Variants in CACNA1C observed in about 807,000 individuals in gnomAD.
CACNA1C encodes the protein voltage-dependent L-type calcium channel subunit alpha-1C.
A neutral mutation model predicts 229.0 loss-of-function variants in CACNA1C; 30 were observed. The observed-to-expected ratio is 0.13, with a 90% confidence interval of 0.10 to 0.18. The LOEUF (loss-of-function observed/expected upper bound fraction) is 0.18, where lower values mean the gene tolerates loss of function less well. CACNA1C is among the 10% of genes least tolerant of loss of function. CACNA1C has a pLI of 1.00. For missense variants in CACNA1C, 1,658 were observed against 2,845.0 expected (o/e 0.58, Z 9.49); for synonymous variants, 1,114 against 1,132.5 (o/e 0.98, Z 0.33).
At position 2,029,626 on chromosome 12, in the gene CACNA1C, C is replaced by T. The variant is rs1210814466; in HGVS notation, c.139+58425C>T. The stretch of plus-strand genomic sequence containing the variant: ...ATTTCATTCCTTTTTATGGCTTTTA[C>T]GTTGCACTTTGGTTAAAGAATTTTG... On this transcript the variant is annotated intron_variant, in intron 1 of 46. Coordinates refer to the CACNA1C transcript ENST00000682462. The surrounding 1 kb of genome is among the most constrained non-coding windows in gnomAD (Gnocchi z 4.9). Among the ~76,000 whole-genome samples, 4 of 152,122 alleles carry T rather than the reference C, an allele frequency of 2.6e-5. No individual in the cohort carries two copies. Among genetic ancestry groups the T allele is most frequent in the Admixed American group, 6.6e-5 (1 of 15,266 alleles).
At chr12:2,246,692 C>T (rs1420039740) in intron 3 of CACNA1C, among the ~76,000 whole-genome samples, 1 of 152,162 alleles carries the variant, frequency 6.6e-6, no homozygotes, top group African/African-American at 2.4e-5. Context: ...TGTGTGTGCT[C>T]TTAACTGCTA....
chr12:2,403,344 G>A lies in CACNA1C; in HGVS notation c.478-45632G>A, dbSNP rs2098700586. ...CATTGGACGAGTGACTTCCCCTCTT[G>A]TGTCAAGGTGCGCTGCAGAGGGATG... On this transcript the variant is annotated intron_variant, in intron 3 of 46. Transcript: ENST00000399655. This position sits in a 1 kb window ranked among gnomAD's most constrained non-coding sequence, Gnocchi z 4.1. Among the ~76,000 whole-genome samples, 2 of 152,102 alleles carry A rather than the reference G, an allele frequency of 1.3e-5. No individual in the cohort carries two copies. The highest frequency in any genetic ancestry group is 6.5e-5 in the Admixed American group (1 of 15,288).
chr12:1,990,303 A>T (rs2039027912), intron 1 of CACNA1C, among the ~76,000 whole-genome samples: 1 of 152,242 alleles, frequency 6.6e-6, no homozygotes, highest in Admixed American at 6.5e-5. Flanking sequence ...TGTTTGCCCT[A>T]ACTTTAACAG....
intron 3 of CACNA1C, among the ~76,000 whole-genome samples, chr12:2,232,751 T>C (rs1002845013): frequency 6.6e-6 from 1 of 152,226 alleles, no homozygotes; most frequent in African/African-American, 2.4e-5. Flanking sequence ...GGAAAAACTG[T>C]CCCTTCTTCC....
chr12:2,093,182 A>G (rs116105668), intron 1 of CACNA1C, among the ~76,000 whole-genome samples: 1,984 of 152,324 alleles, frequency 0.013, 59 homozygotes, highest in African/African-American at 0.044. Context: ...CAAAGTTACC[A>G]GAGAGTGTAC....
intron 7 of CACNA1C, among the ~76,000 whole-genome samples, chr12:2,501,247 T>TC (rs2099759571): frequency 8.7e-6 from 1 of 114,876 alleles, no homozygotes; most frequent in African/African-American, 3.8e-5. Flanking sequence ...AAAGCAATAC[T>TC]CATTTAGAGG....
Position 2,570,635 on chromosome 12 carries a change from G to A in CACNA1C, c.1895+2841G>A, listed in dbSNP as rs375627749. ...GAGATGGAAAAAATCGAAAAATAAG[G>A]CGTATGGCGTGAACTAAATCCAGGA... On this transcript the variant is annotated intron_variant, in intron 13 of 46. Transcript: ENST00000399655. Among the ~76,000 whole-genome samples, 166 of 152,230 alleles carry A rather than the reference G, an allele frequency of 1.1e-3. 5 individuals are homozygous for A. In the South Asian group the frequency reaches 0.033, roughly 30 times the overall value.
chr12:2,686,027 C>T (rs1266576799), intron 44 of CACNA1C, 139 bp from the exon 45 acceptor site: 21 of 843,174 alleles, frequency 2.5e-5, no homozygotes, highest in South Asian at 6.8e-5. Flanking sequence ...CACCAGAATA[C>T]GTCTCAGACG....
At chr12:2,394,824 A>G (rs1191847785) in intron 3 of CACNA1C, among the ~76,000 whole-genome samples, 1 of 152,168 alleles carries the variant, frequency 6.6e-6, no homozygotes, top group Non-Finnish European at 1.5e-5. Flanking sequence ...CGGGTAAGAA[A>G]TTGGAGTGGT....
intron 3 of CACNA1C, among the ~76,000 whole-genome samples, chr12:2,203,507 C>T (rs1452750690): frequency 1.3e-5 from 2 of 152,250 alleles, no homozygotes; most frequent in Admixed American, 1.3e-4. Flanking sequence ...CTCGCCATCT[C>T]CCGTGGAGCA....
rs1302359212 is a variant in CACNA1C, at chr12:2,572,442, CCTT to C, written c.1895+4651_1895+4653del. On this transcript the variant is annotated intron_variant, in intron 13 of 46. Transcript: ENST00000399655. ...TCCTCCTCCTCTTCCTCTTCCTGCT[CCTT>C]CTCCTCTTCCTCCTCCTCCTCTTCC... Among the ~76,000 whole-genome samples the C allele has an allele frequency of 1.2e-4, 9 of 77,522 alleles. No homozygotes were observed. The East Asian group carries it at 2.7e-3, about 23-fold the overall frequency. The allele number at this position is 77,522 out of a possible 152,430, so 50.9% of individuals were successfully genotyped here. A position where few individuals can be genotyped will look rare whatever the true frequency, so the allele number is the denominator to read the frequency against.
intron 1 of CACNA1C, among the ~76,000 whole-genome samples, chr12:2,023,702 A>C (rs1384252805): frequency 6.6e-6 from 1 of 152,226 alleles, no homozygotes; most frequent in African/African-American, 2.4e-5. Context: ...GCTTCCAGTC[A>C]TCTTAGTAAG....
At chr12:2,172,618 G>T (rs1201762716) in intron 3 of CACNA1C, among the ~76,000 whole-genome samples, 2 of 152,050 alleles carry the variant, frequency 1.3e-5, no homozygotes, top group East Asian at 3.8e-4. Flanking sequence ...CCAACGTTAA[G>T]ATAAGGCTCC....
chr12:2,121,433 A>C (rs1450565963), intron 3 of CACNA1C, among the ~76,000 whole-genome samples: 1 of 152,196 alleles, frequency 6.6e-6, no homozygotes, highest in Non-Finnish European at 1.5e-5. Flanking sequence ...TTTCAGCAAA[A>C]AAAAATATGA....
chr12:2,095,520 C>G (rs573505161), intron 1 of CACNA1C, among the ~76,000 whole-genome samples: 1 of 152,346 alleles, frequency 6.6e-6, no homozygotes, highest in East Asian at 1.9e-4. Flanking sequence ...CCCTTTTGGC[C>G]CAGACTTTCA....
chr12:2,261,103 G>A (rs958751278), intron 3 of CACNA1C, among the ~76,000 whole-genome samples: 1 of 152,046 alleles, frequency 6.6e-6, no homozygotes, highest in African/African-American at 2.4e-5. Context: ...GTGGTGGCAA[G>A]CACCTGTAGT....
intron 1 of CACNA1C, among the ~76,000 whole-genome samples, chr12:2,083,778 T>C (rs2066547222): frequency 6.6e-6 from 1 of 152,196 alleles, no homozygotes; most frequent in South Asian, 2.1e-4. Context: ...TAAATACTGA[T>C]GAATGATGAG....
intron 8 of CACNA1C, among the ~76,000 whole-genome samples, chr12:2,508,086 G>A (rs2099775758): frequency 6.6e-6 from 1 of 152,252 alleles, no homozygotes; most frequent in Admixed American, 6.5e-5. Context: ...CTTAGCAGAG[G>A]GACCGGCAGC....
At chr12:2,474,148 T>C (rs548800423) in intron 5 of CACNA1C, among the ~76,000 whole-genome samples, 1 of 152,320 alleles carries the variant, frequency 6.6e-6, no homozygotes, top group South Asian at 2.1e-4. Context: ...CATAGAGATA[T>C]TTTGAAGTTT....
Sources: allele counts gnomAD v4.1 joint callset (sites outside exome capture counted in the v4.1 genomes callset), GRCh38; gene constraint gnomAD v4.1.1; non-coding constraint Gnocchi (gnomAD v3.1); transcripts MANE v1.5; gene names NCBI Gene and HGNC (gene_info 2026-07-23, HGNC 2026-07-21).